The following MRPL48 variants were observed in gnomAD, a reference collection of about 807,000 sequenced individuals.
The protein encoded by MRPL48 is large ribosomal subunit protein mL48.
A neutral mutation model predicts 32.9 loss-of-function variants in MRPL48; 16 were observed. The ratio of observed to expected loss-of-function variants is 0.49; its 90% confidence interval spans 0.33 to 0.74. MRPL48 has a LOEUF of 0.74. Ranked by LOEUF, MRPL48 falls within the 30% of genes least tolerant of loss-of-function variation. The pLI, the probability that MRPL48 is intolerant of heterozygous loss-of-function variation, is 0.02. For synonymous variants in MRPL48, 94 were observed against 89.2 expected (o/e 1.05, Z -0.31); for missense variants, 206 against 245.3 (o/e 0.84, Z 1.07).
At chr11:73,818,565 T>G (rs1323032711) in intron 3 of MRPL48, among the ~76,000 whole-genome samples, 1 of 152,230 alleles carries the variant, frequency 6.6e-6, no homozygotes. Context: ...GTTTTGTTTT[T>G]AAATATACAC....
rs1948651370 is a variant in MRPL48, at chr11:73,865,123, G to T, written c.*753G>T. The T allele has an allele frequency of 6.6e-6, 1 of 152,238 alleles. No homozygotes were observed. The highest frequency in any genetic ancestry group is 1.5e-5 in the Non-Finnish European group (1 of 68,204). The allele number at this position is 152,238 out of a possible 1,614,324, so 9.4% of individuals were successfully genotyped here. ...TTATTTTAATTAGCTGGACGTGGTG[G>T]TATGCACTTGTAGTCCCACTACTCA... On this transcript the variant is annotated 3_prime_UTR_variant, in exon 8 of 8. Transcript: ENST00000310614.
chr11:73,802,306 C>T (rs1590936735), intron 1 of MRPL48: 1 of 152,362 alleles, frequency 6.6e-6, no homozygotes, highest in East Asian at 1.9e-4. Context: ...ATTGTGCATA[C>T]ATTTTTTGAT....
intron 1 of MRPL48, among the ~76,000 whole-genome samples, chr11:73,791,165 G>A (rs1026289356): frequency 5.3e-5 from 8 of 151,594 alleles, no homozygotes; most frequent in Non-Finnish European, 7.4e-5. Flanking sequence ...GATTACAGGC[G>A]TGTGCCACCA....
chr11:73,828,563 G>A (rs149581122), intron 4 of MRPL48, among the ~76,000 whole-genome samples: 1 of 152,284 alleles, frequency 6.6e-6, no homozygotes, highest in East Asian at 1.9e-4. Flanking sequence ...ACAAGACATG[G>A]TTCATTCTCA....
intron 5 of MRPL48, among the ~76,000 whole-genome samples, chr11:73,855,787 CTTTA>C (rs761850940): frequency 2.0e-5 from 3 of 152,020 alleles, no homozygotes; most frequent in Non-Finnish European, 2.9e-5. Flanking sequence ...TGCCTGGCCT[CTTTA>C]TTTATTTATT....
intron 7 of MRPL48, 51 bp downstream of exon 7, chr11:73,863,312 T>G (rs1948616682): frequency 1.4e-6 from 2 of 1,425,676 alleles, no homozygotes; most frequent in African/African-American, 2.8e-5. Context: ...ATGCTCAAAA[T>G]AAGGATAAGA....
chr11:73,833,142 T>C (rs1590975983), intron 4 of MRPL48, among the ~76,000 whole-genome samples: 1 of 151,782 alleles, frequency 6.6e-6, no homozygotes, highest in Non-Finnish European at 1.5e-5. Flanking sequence ...TCAACAAACA[T>C]TTATTAAATG....
intron 3 of MRPL48, among the ~76,000 whole-genome samples, chr11:73,813,393 C>CG (rs1947603874): frequency 6.6e-6 from 1 of 151,988 alleles, no homozygotes; most frequent in Non-Finnish European, 1.5e-5. Context: ...AGGCTGGTCT[C>CG]TAACTCCTGA....
chr11:73,801,386 C>T (rs1947360882), intron 1 of MRPL48, among the ~76,000 whole-genome samples: 1 of 152,066 alleles, frequency 6.6e-6, no homozygotes, highest in East Asian at 1.9e-4. Flanking sequence ...GGGGAGCTGG[C>T]CTGACCTCTC....
chr11:73,856,475 C>G (rs11235931), intron 5 of MRPL48, among the ~76,000 whole-genome samples: 2 of 151,300 alleles, frequency 1.3e-5, no homozygotes, highest in Non-Finnish European at 1.5e-5. Flanking sequence ...AAAGAAGAGG[C>G]CTCTCATGTG....
intron 4 of MRPL48, among the ~76,000 whole-genome samples, chr11:73,841,693 A>G (rs1442364426): frequency 6.6e-6 from 1 of 152,192 alleles, no homozygotes; most frequent in Non-Finnish European, 1.5e-5. Context: ...TACTGATTAC[A>G]GAGGTACTTT....
Position 73,864,350 on chromosome 11 carries a change from CT to C in MRPL48, c.620del (p.Leu207ArgfsTer5). 1 of 1,613,898 alleles carries C rather than the reference CT, an allele frequency of 6.2e-7. No homozygotes were observed. ...RFKARPELEELLAKLK is the reference protein window; with the variant it reads ...RFKARPELEEXLAKLK ...CAAAGCTCGACCAGAACTGGAAGAACTGTTGGCCAAGTTGAAGTAGCTACTG... is the reference window on the plus strand; with the variant it reads ...CAAAGCTCGACCAGAACTGGAAGAACGTTGGCCAAGTTGAAGTAGCTACTG... On this transcript the variant is annotated frameshift_variant, in exon 8 of 8. Coordinates refer to ENST00000310614, the MANE Select transcript of MRPL48 (RefSeq NM_016055.6). LOFTEE classifies it high-confidence loss of function.
intron 2 of MRPL48, among the ~76,000 whole-genome samples, chr11:73,806,379 C>A (rs1947455119): frequency 6.6e-6 from 1 of 152,156 alleles, no homozygotes; most frequent in South Asian, 2.1e-4. Flanking sequence ...ATTCTTTCCT[C>A]AGATATCCAT....
intron 4 of MRPL48, among the ~76,000 whole-genome samples, chr11:73,836,014 A>G (rs549030244): frequency 6.6e-6 from 1 of 151,678 alleles, no homozygotes; most frequent in East Asian, 1.9e-4. Context: ...GCTCACTGCA[A>G]CCTTTTCCTC....
rs547256292 is a variant in MRPL48, at chr11:73,852,116, A to G, written c.371+7140A>G. On this transcript the variant is annotated intron_variant, in intron 5 of 7. Coordinates refer to ENST00000310614, the MANE Select transcript of MRPL48 (RefSeq NM_016055.6). Reference sequence around the variant, plus strand: ...GTCAGGAACTTATGCCAAAATGTACATTAATACTTGGTTTCCTTCATTAGG... The same window carrying G: ...GTCAGGAACTTATGCCAAAATGTACGTTAATACTTGGTTTCCTTCATTAGG... Among the ~76,000 whole-genome samples the G allele has an allele frequency of 2.6e-5, 4 of 152,212 alleles. No individual in the cohort carries two copies. In the East Asian group the frequency reaches 5.8e-4, roughly 22 times the overall value.
At chr11:73,829,952 G>A (rs1311816696) in intron 4 of MRPL48, among the ~76,000 whole-genome samples, 5 of 151,996 alleles carry the variant, frequency 3.3e-5, no homozygotes, top group Admixed American at 2.6e-4. Flanking sequence ...GTAGAGATGG[G>A]GGTCTCGCCA....
In MRPL48 at chr11:73,852,884, A is replaced by G. The variant is rs369652843; in HGVS notation, c.372-7023A>G. 2.0e-4 allele frequency among the ~76,000 whole-genome samples: 30 copies of G among 152,244 alleles called. 3 individuals are homozygous for G. Among genetic ancestry groups the G allele is most frequent in the Admixed American group, 1.2e-3 (19 of 15,290 alleles). On this transcript the variant is annotated intron_variant, in intron 5 of 7. Coordinates refer to ENST00000310614, the MANE Select transcript of MRPL48 (RefSeq NM_016055.6). ...ACAGGTGAATGGATAAAGAAAATGTACATGTATACAATAGAGTAGTATTCA... is the reference window on the plus strand; with the variant it reads ...ACAGGTGAATGGATAAAGAAAATGTGCATGTATACAATAGAGTAGTATTCA...
chr11:73,813,990 G>A (rs1391810660), intron 3 of MRPL48, among the ~76,000 whole-genome samples: 3 of 148,008 alleles, frequency 2.0e-5, no homozygotes, highest in East Asian at 4.0e-4. Context: ...GCAGTGAGCC[G>A]AGATCTCGCC....
intron 1 of MRPL48, chr11:73,801,961 T>C (rs1470092901): frequency 6.6e-6 from 1 of 152,222 alleles, no homozygotes; most frequent in Non-Finnish European, 1.5e-5. Context: ...GACATGACCC[T>C]TGCTCTGAGG....
Sources: gnomAD v4.1 joint callset for allele counts (sites outside exome capture counted in the v4.1 genomes callset) on GRCh38, gnomAD v4.1.1 for gene constraint, MANE v1.5 for transcripts, NCBI Gene and HGNC (gene_info 2026-07-23, HGNC 2026-07-21) for gene names.